Variants in DNAH14 observed in about 807,000 individuals in gnomAD.
The protein encoded by DNAH14 is dynein axonemal heavy chain 14.
Under a neutral mutation model 520.9 loss-of-function variants are expected in DNAH14, and 478 were observed. The observed-to-expected ratio is 0.92, with a 90% CI of 0.85 to 0.99. DNAH14 has a LOEUF of 0.99. DNAH14 is among the 50% of genes least tolerant of loss of function. The pLI is 0.00. For missense variants in DNAH14, 4,831 were observed against 5,234.5 expected, an observed-to-expected ratio of 0.92 and a Z score of 2.38; for synonymous variants, 1,581 against 1,757.2, an observed-to-expected ratio of 0.90 and a Z score of 2.51.
Position 225,271,959 on chromosome 1 carries a change from A to G in DNAH14, c.7725A>G (p.Lys2575=). Residue 2575 remains lysine, a synonymous_variant, in exon 51 of 86, where the codon AAA becomes AAG. Coordinates refer to ENST00000682510, the MANE Select transcript of DNAH14 (RefSeq NM_001367479.1). ...SINNFTPEVQ[K]SKDQIISCSL... ...ATAACTTCACACCTGAAGTTCAGAAAAGTAAGGATCAGATAATATCTTGTT... is the reference window on the plus strand; with the variant it reads ...ATAACTTCACACCTGAAGTTCAGAAGAGTAAGGATCAGATAATATCTTGTT... 6.4e-7 allele frequency: 1 copy of G among 1,550,482 alleles called. No individual in the cohort carries two copies. Among genetic ancestry groups the G allele is most frequent in the Non-Finnish European group, 8.7e-7 (1 of 1,146,588 alleles).
At chr1:225,269,358 C>T (rs1220932178) in intron 49 of DNAH14, among the ~76,000 whole-genome samples, 1 of 152,140 alleles carries the variant, frequency 6.6e-6, no homozygotes, top group East Asian at 1.9e-4. Context: ...AAATGTTAGA[C>T]CTAAAACCAT....
At chr1:225,113,011 G>A (rs1233297350) in intron 23 of DNAH14, among the ~76,000 whole-genome samples, 1 of 152,052 alleles carries the variant, frequency 6.6e-6, no homozygotes, top group Non-Finnish European at 1.5e-5. Flanking sequence ...TATTTGGTAA[G>A]GTTTTGTTTT....
intron 8 of DNAH14, among the ~76,000 whole-genome samples, chr1:224,999,308 G>A (rs2147767991): frequency 6.6e-6 from 1 of 152,164 alleles, no homozygotes; most frequent in South Asian, 2.1e-4. Context: ...CCGGGTTCAA[G>A]CCATTCTCCT....
At chr1:225,380,945 C>T (rs1324844074) in intron 80 of DNAH14, among the ~76,000 whole-genome samples, 1 of 152,154 alleles carries the variant, frequency 6.6e-6, no homozygotes, top group Non-Finnish European at 1.5e-5. Context: ...GGCTCGCAGG[C>T]CAAATCCAGC....
chr1:224,968,319 A>G (rs1380251868), intron 6 of DNAH14, among the ~76,000 whole-genome samples: 1 of 151,644 alleles, frequency 6.6e-6, no homozygotes, highest in Non-Finnish European at 1.5e-5. Flanking sequence ...GGGAAGAGAG[A>G]GAACTCCTTG....
chr1:225,274,184 A>G lies in DNAH14; in HGVS notation c.8010+1059A>G, dbSNP rs916765356. Among the ~76,000 whole-genome samples the G allele has an allele frequency of 6.8e-4, 95 of 139,328 alleles. 1 individual carries two copies. Among genetic ancestry groups the G allele is most frequent in the African/African-American group, 2.6e-3 (93 of 36,318 alleles). 91.4% of individuals were successfully genotyped at this position (139,328 alleles called of 152,430 possible). On this transcript the variant is annotated intron_variant, in intron 52 of 85. Coordinates refer to ENST00000682510, the MANE Select transcript of DNAH14 (RefSeq NM_001367479.1). ...AGTGTTCCTTTTTCTCTGCATCCTCACCAGCATCTGTTATTTTTTTTTTTT... is the reference window on the plus strand; with the variant it reads ...AGTGTTCCTTTTTCTCTGCATCCTCGCCAGCATCTGTTATTTTTTTTTTTT...
At chr1:224,971,410 T>C (rs1359638770) in intron 7 of DNAH14, among the ~76,000 whole-genome samples, 1 of 152,190 alleles carries the variant, frequency 6.6e-6, no homozygotes, top group Non-Finnish European at 1.5e-5. Context: ...AAATTAATTA[T>C]TGAATAAATG....
At chr1:225,072,933 C>T (rs2071726940) in intron 17 of DNAH14, among the ~76,000 whole-genome samples, 1 of 152,040 alleles carries the variant, frequency 6.6e-6, no homozygotes, top group Admixed American at 6.6e-5. Flanking sequence ...ACCTGCAGGA[C>T]ATGGCTGGAG....
intron 54 of DNAH14, among the ~76,000 whole-genome samples, chr1:225,287,638 T>C (rs1345943359): frequency 6.6e-6 from 1 of 152,180 alleles, no homozygotes; most frequent in Non-Finnish European, 1.5e-5. Flanking sequence ...CTGGGAGGGC[T>C]TACAGGCAGT....
intron 49 of DNAH14, 57 bp from the exon 50 acceptor site, chr1:225,270,678 C>G (rs2093289404): frequency 2.0e-6 from 3 of 1,468,284 alleles, no homozygotes; most frequent in Non-Finnish European, 2.8e-6. Flanking sequence ...GACGTAGGTA[C>G]ATACTTCACT....
At chr1:225,216,886 T>A (rs1474369977) in intron 41 of DNAH14, among the ~76,000 whole-genome samples, 3 of 152,214 alleles carry the variant, frequency 2.0e-5, no homozygotes, top group East Asian at 1.9e-4. Flanking sequence ...GATCATCTGA[T>A]GCCTTCTTCT....
Position 225,358,652 on chromosome 1 carries a change from G to C in DNAH14, c.11776G>C (p.Gly3926Arg), listed in dbSNP as rs2095458378. The C allele has an allele frequency of 6.5e-7, 1 of 1,545,962 alleles. No individual in the cohort carries two copies. Among genetic ancestry groups the C allele is most frequent in the Non-Finnish European group, 8.7e-7 (1 of 1,145,294 alleles). ...RTPLILIQTHGIDLTNILLRF... is the reference protein window; with the variant it reads ...RTPLILIQTHRIDLTNILLRF... The stretch of plus-strand genomic sequence containing the variant: ...TCCGCTGATACTTATTCAAACTCAT[G>C]GTAAGCTATTTGTGAATAGTTAAGA... Residue 3926 changes from glycine to arginine, a missense_variant and splice_region_variant, in exon 74 of 86, where the codon GGG (glycine) becomes CGG (arginine). Gly to Arg is a moderately radical substitution (Grantham distance 125). Transcript: ENST00000682510.
chr1:225,039,475 T>A (rs1241856893), intron 12 of DNAH14, among the ~76,000 whole-genome samples: 1 of 152,146 alleles, frequency 6.6e-6, no homozygotes, highest in Non-Finnish European at 1.5e-5. Context: ...AATGTATCTG[T>A]TATGTTTTGA....
intron 1 of DNAH14, among the ~76,000 whole-genome samples, chr1:224,943,331 G>C (rs962980706): frequency 6.6e-6 from 1 of 152,042 alleles, no homozygotes. Context: ...CTGTGGGATC[G>C]GTGGTGATAT....
chr1:225,374,182 T>TATATATATATATATAC (rs1263904206), intron 77 of DNAH14, among the ~76,000 whole-genome samples: 7 of 97,116 alleles, frequency 7.2e-5, no homozygotes, highest in African/African-American at 2.1e-4. Context: ...TATATATATA[T>TATATATATATATATAC]ACTATTCTAG....
chr1:225,089,442 C>CAAAAAAAA (rs1169182387), intron 21 of DNAH14, among the ~76,000 whole-genome samples: 10 of 29,884 alleles, frequency 3.3e-4, no homozygotes, highest in African/African-American at 9.7e-4. Context: ...AAAACTCCGT[C>CAAAAAAAA]AAAAAAAAAA....
At chr1:225,202,764 G>C (rs2087027401) in intron 38 of DNAH14, among the ~76,000 whole-genome samples, 1 of 152,156 alleles carries the variant, frequency 6.6e-6, no homozygotes, top group Non-Finnish European at 1.5e-5. Context: ...TCTTCTCCCT[G>C]TGGCCTTTTC....
chr1:225,359,165 G>A (rs138230456), intron 74 of DNAH14, among the ~76,000 whole-genome samples: 2 of 152,248 alleles, frequency 1.3e-5, no homozygotes, highest in African/African-American at 4.8e-5. Context: ...TTTTGGAAAA[G>A]GAGCTAATTA....
At chr1:225,174,790 G>A (rs1374261820) in intron 36 of DNAH14, among the ~76,000 whole-genome samples, 2 of 152,080 alleles carry the variant, frequency 1.3e-5, no homozygotes, top group East Asian at 3.9e-4. Context: ...TCCTGTTCAG[G>A]ATGATGTTAG....
Sources: allele counts gnomAD v4.1 joint callset (sites outside exome capture counted in the v4.1 genomes callset), GRCh38; gene constraint gnomAD v4.1.1; transcripts MANE v1.5; gene names NCBI Gene and HGNC (gene_info 2026-07-23, HGNC 2026-07-21).